GLIPR1: variants seen among roughly 807,000 people sequenced by gnomAD.
GLIPR1 encodes the protein GLI pathogenesis related 1.
Under a neutral mutation model 30.3 loss-of-function variants are expected in GLIPR1, and 38 were observed. That is an observed-to-expected ratio of 1.26 (90% CI 0.97 to 1.65). The LOEUF (loss-of-function observed/expected upper bound fraction) is 1.65. Among genes scored for constraint, GLIPR1 ranks in the 40% most tolerant of loss-of-function variants. GLIPR1 has a pLI of 0.00. For synonymous variants in GLIPR1, 122 were observed against 110.6 expected (o/e 1.10, Z -0.65); for missense variants, 285 against 326.5 (o/e 0.87, Z 0.98).
intron 1 of GLIPR1, among the ~76,000 whole-genome samples, chr12:75,481,612 T>C (rs1285247564): frequency 6.6e-6 from 1 of 152,190 alleles, no homozygotes; most frequent in Non-Finnish European, 1.5e-5. Context: ...TAGCCTTCAG[T>C]GAAATGTCAG....
chr12:75,492,338 T>C (rs1166315465), intron 3 of GLIPR1: 1 of 152,236 alleles, frequency 6.6e-6, no homozygotes, highest in East Asian at 1.9e-4. Context: ...TGCCTCAGCC[T>C]CCCAGAGTGC....
rs1027134430 is a variant in GLIPR1 at position 75,502,633 on chromosome 12, A to AAGAT, written c.*3658_*3661dup. On this transcript the variant is annotated 3_prime_UTR_variant, in exon 6 of 6. Coordinates refer to ENST00000266659, the MANE Select transcript of GLIPR1 (RefSeq NM_006851.3). ...ATTTAATCCTCACTAACAATTCTTT[A>AAGAT]AGATAGGTATTACCATTACTCCCAC... 2.0e-5 allele frequency: 3 copies of AAGAT among 152,086 alleles called. No homozygotes were observed. Among genetic ancestry groups the AAGAT allele is most frequent in the African/African-American group, 7.2e-5 (3 of 41,428 alleles). The allele number at this position is 152,086 out of a possible 1,614,324, so 9.4% of individuals were successfully genotyped here. A position where few individuals can be genotyped will look rare whatever the true frequency, so the allele number is the denominator to read the frequency against.
At chr12:75,486,447 G>A (rs2046294355) in intron 2 of GLIPR1, among the ~76,000 whole-genome samples, 1 of 152,140 alleles carries the variant, frequency 6.6e-6, no homozygotes, top group Non-Finnish European at 1.5e-5. Flanking sequence ...TAGGCCTATG[G>A]AGTTGGTATT....
chr12:75,503,616 T>A lies in GLIPR1; in HGVS notation c.*4638T>A. ...AATGTTGCCAAATCAGAGAAAAGAGTATTGCAGACTAAACGAACTTTTATC... is the reference window on the plus strand; with the variant it reads ...AATGTTGCCAAATCAGAGAAAAGAGAATTGCAGACTAAACGAACTTTTATC... On this transcript the variant is annotated 3_prime_UTR_variant, in exon 6 of 6. Transcript: ENST00000266659. 4.4e-6 allele frequency: 1 copy of A among 228,050 alleles called. No homozygotes were observed. The highest frequency in any genetic ancestry group is 8.8e-5 in the East Asian group (1 of 11,396). 14.1% of individuals were successfully genotyped at this position (228,050 alleles called of 1,614,324 possible).
In GLIPR1 at chr12:75,480,878, AG is replaced by A; in HGVS notation, c.-2del. On this transcript the variant is annotated 5_prime_UTR_variant, in exon 1 of 6. Transcript: ENST00000266659. ...CCTCCCAAGGCTCCATGCCAGACAAAGCATGCGTGTCACACTTGCTACAATA... is the reference window on the plus strand; with the variant it reads ...CCTCCCAAGGCTCCATGCCAGACAAACATGCGTGTCACACTTGCTACAATA... The A allele has an allele frequency of 6.2e-7, 1 of 1,607,148 alleles. No individual in the cohort carries two copies. The highest frequency in any genetic ancestry group is 8.5e-7 in the Non-Finnish European group (1 of 1,175,214).
intron 2 of GLIPR1, among the ~76,000 whole-genome samples, chr12:75,482,561 C>T (rs2046276134): frequency 6.6e-6 from 1 of 152,094 alleles, no homozygotes; most frequent in East Asian, 1.9e-4. Context: ...GCACTAGGCA[C>T]CACGCACGGT....
At chr12:75,491,371 C>G (rs2046322938) in intron 3 of GLIPR1, 1 of 152,174 alleles carries the variant, frequency 6.6e-6, no homozygotes, top group East Asian at 1.9e-4. Flanking sequence ...GGACTTTGAT[C>G]TGGCTGTCTA....
rs879214210 is a variant in GLIPR1 at position 75,499,755 on chromosome 12, A to G, written c.*777A>G. Reference sequence around the variant, plus strand: ...ACAAATAAGGCAACTAATGCCTGATATCTCAAAATCCTTTACAAAAGGAGA... The same window carrying G: ...ACAAATAAGGCAACTAATGCCTGATGTCTCAAAATCCTTTACAAAAGGAGA... On this transcript the variant is annotated 3_prime_UTR_variant, in exon 6 of 6. Coordinates refer to ENST00000266659, the MANE Select transcript of GLIPR1 (RefSeq NM_006851.3). 1.1e-5 allele frequency: 15 copies of G among 1,407,176 alleles called. No individual in the cohort carries two copies. In the South Asian group the frequency reaches 2.0e-4, roughly 19 times the overall value. 87.2% of individuals were successfully genotyped at this position (1,407,176 alleles called of 1,614,324 possible).
rs3741495 is a variant in GLIPR1 at position 75,503,708 on chromosome 12, G to A, written c.*4730G>A. ...GATGCAGTTTATAATCAATGTGAAC[G>A]CCCCACTGCACACCCCCATGCACTC... On this transcript the variant is annotated 3_prime_UTR_variant, in exon 6 of 6. Coordinates refer to ENST00000266659, the MANE Select transcript of GLIPR1 (RefSeq NM_006851.3). 0.24 allele frequency: 95,770 copies of A among 400,802 alleles called. 12,182 individuals carry two copies. Among genetic ancestry groups the A allele is most frequent in the Middle Eastern group, 0.32 (477 of 1,470 alleles). The allele number at this position is 400,802 out of a possible 1,614,324, so 24.8% of individuals were successfully genotyped here.
chr12:75,493,931 A>T (rs770220922), intron 3 of GLIPR1: 1 of 152,242 alleles, frequency 6.6e-6, no homozygotes, highest in Non-Finnish European at 1.5e-5. Flanking sequence ...ACAACTAAGT[A>T]TCATAAATGA....
chr12:75,483,097 C>G (rs2046278775), intron 2 of GLIPR1, among the ~76,000 whole-genome samples: 1 of 66,036 alleles, frequency 1.5e-5, no homozygotes, highest in Non-Finnish European at 4.0e-5. Context: ...CGTGGTGCTA[C>G]AGATGAACCA....
chr12:75,499,548 C>A lies in GLIPR1; in HGVS notation c.*570C>A, dbSNP rs1268421470. ...CAAATGCTGGGACATCATTACTAAC[C>A]AATAGCATCAGACACTGGATTTAAT... On this transcript the variant is annotated 3_prime_UTR_variant, in exon 6 of 6. Coordinates refer to ENST00000266659, the MANE Select transcript of GLIPR1 (RefSeq NM_006851.3). 3 of 215,216 alleles carry A rather than the reference C, an allele frequency of 1.4e-5. No homozygotes were observed. The highest frequency in any genetic ancestry group is 6.9e-5 in the African/African-American group (3 of 43,424). 13.3% of individuals were successfully genotyped at this position (215,216 alleles called of 1,614,324 possible).
At chr12:75,497,763 A>G (rs774465227) in intron 4 of GLIPR1, 1 of 152,142 alleles carries the variant, frequency 6.6e-6, no homozygotes, top group Non-Finnish European at 1.5e-5. Flanking sequence ...TTCAATAAAT[A>G]CCCTTGGAGG....
intron 2 of GLIPR1, among the ~76,000 whole-genome samples, chr12:75,489,592 T>G (rs1159810945): frequency 2.0e-5 from 3 of 152,116 alleles, no homozygotes; most frequent in Non-Finnish European, 2.9e-5. Context: ...TCTCAGTAAA[T>G]GTTTCTCAGG....
intron 2 of GLIPR1, among the ~76,000 whole-genome samples, chr12:75,490,195 T>TCA (rs71829276): frequency 0.061 from 8,617 of 141,530 alleles, 303 homozygotes; most frequent in South Asian, 0.12. Flanking sequence ...TTATCTTATT[T>TCA]CACACACACA....
Position 75,499,607 on chromosome 12 carries a change from CTT to C in GLIPR1, c.*630_*631del, listed in dbSNP as rs1175209092. ...ACAATGGTCGTAATGTATACAAAGACTTATATACCACTTTCTCGTATAAATTT... is the reference window on the plus strand; with the variant it reads ...ACAATGGTCGTAATGTATACAAAGACATATACCACTTTCTCGTATAAATTT... On this transcript the variant is annotated 3_prime_UTR_variant, in exon 6 of 6. Transcript: ENST00000266659. The C allele has an allele frequency of 7.8e-4, 259 of 330,378 alleles. 3 individuals are homozygous for C. The highest frequency in any genetic ancestry group is 5.3e-3 in the African/African-American group (238 of 45,092). The allele number at this position is 330,378 out of a possible 1,614,324, so 20.5% of individuals were successfully genotyped here. A position where few individuals can be genotyped will look rare whatever the true frequency, so the allele number is the denominator to read the frequency against.
At position 75,501,786 on chromosome 12, in the gene GLIPR1, G is replaced by GTCTC. The variant is rs2046395840; in HGVS notation, c.*2810_*2813dup. On this transcript the variant is annotated 3_prime_UTR_variant, in exon 6 of 6. Transcript: ENST00000266659. ...ATAAATGCTTTGTTTCTTTCCTCTTGTCTCTTACTGATGGCTTCTGCTTGT... is the reference window on the plus strand; with the variant it reads ...ATAAATGCTTTGTTTCTTTCCTCTTGTCTCTCTCTTACTGATGGCTTCTGCTTGT... 2 of 1,610,030 alleles carry GTCTC rather than the reference G, an allele frequency of 1.2e-6. No individual in the cohort carries two copies. The highest frequency in any genetic ancestry group is 1.7e-6 in the Non-Finnish European group (2 of 1,177,954).
intron 2 of GLIPR1, among the ~76,000 whole-genome samples, chr12:75,482,556 A>T (rs1201765751): frequency 6.6e-6 from 1 of 152,118 alleles, no homozygotes; most frequent in Non-Finnish European, 1.5e-5. Context: ...GCCATGCACT[A>T]GGCACCACGC....
Position 75,501,694 on chromosome 12 carries a change from A to G in GLIPR1, c.*2716A>G. ...TATGGGTTTACTTTTCCTAATTAAT[A>G]AAGACTTTTACATCATAGAAAGCAT... On this transcript the variant is annotated 3_prime_UTR_variant, in exon 6 of 6. Coordinates refer to ENST00000266659, the MANE Select transcript of GLIPR1 (RefSeq NM_006851.3). 7.1e-7 allele frequency: 1 copy of G among 1,417,514 alleles called. No homozygotes were observed. The highest frequency in any genetic ancestry group is 9.8e-7 in the Non-Finnish European group (1 of 1,019,612). 87.8% of individuals were successfully genotyped at this position (1,417,514 alleles called of 1,614,324 possible). A position where few individuals can be genotyped will look rare whatever the true frequency, so the allele number is the denominator to read the frequency against.
Sources: allele counts gnomAD v4.1 joint callset (sites outside exome capture counted in the v4.1 genomes callset), GRCh38; gene constraint gnomAD v4.1.1; transcripts MANE v1.5; gene names NCBI Gene and HGNC (gene_info 2026-07-23, HGNC 2026-07-21).